The following USPL1 variants were observed in gnomAD, a reference collection of about 807,000 sequenced individuals.
The protein encoded by USPL1 is SUMO-specific isopeptidase USPL1.
A neutral mutation model predicts 51.5 loss-of-function variants in USPL1; 27 were observed. The ratio of observed to expected loss-of-function variants is 0.52; its 90% CI spans 0.39 to 0.72. The LOEUF is 0.72. Among genes scored for constraint, USPL1 ranks in the 30% least tolerant of loss-of-function variants. USPL1 has a pLI of 0.00. For synonymous variants in USPL1, 451 were observed against 459.6 expected, an observed-to-expected ratio of 0.98 and a Z score of 0.24; for missense variants, 1,226 against 1,268.0, an observed-to-expected ratio of 0.97 and a Z score of 0.50.
rs185173672 is a variant in USPL1 at position 30,619,970 on chromosome 13, A to G, written c.-68-1103A>G. 2.9e-4 allele frequency among the ~76,000 whole-genome samples: 44 copies of G among 152,334 alleles called. 1 individual carries two copies. In the East Asian group the frequency reaches 8.1e-3, roughly 28 times the overall value. On this transcript the variant is annotated intron_variant, in intron 1 of 8. Coordinates refer to ENST00000255304, the MANE Select transcript of USPL1 (RefSeq NM_005800.5). Reference sequence around the variant, plus strand: ...GCTGCTAAACATCGTCAGTGCATAGAACAGCCTTCACAAACAATTATTTGG... The same window carrying G: ...GCTGCTAAACATCGTCAGTGCATAGGACAGCCTTCACAAACAATTATTTGG...
intron 3 of USPL1, 37 bp from the exon 4 acceptor site, chr13:30,630,798 T>C (rs1414585044): frequency 3.9e-6 from 6 of 1,527,100 alleles, no homozygotes; most frequent in Non-Finnish European, 4.4e-6. Context: ...GTTATTTGAA[T>C]TTGTGTAGTT....
chr13:30,638,590 G>T (rs965985695), intron 5 of USPL1, among the ~76,000 whole-genome samples: 1 of 151,824 alleles, frequency 6.6e-6, no homozygotes, highest in Non-Finnish European at 1.5e-5. Context: ...GAGCTGCGGG[G>T]TTTTTTTGTT....
chr13:30,642,725 A>G lies in USPL1; in HGVS notation c.1080A>G (p.Glu360=), dbSNP rs561374541. ...TATATTCTTTTTCTTGGGACTTTGA[A>G]TGTTCGCAGTGTGGACACCAATATC... The part of the protein sequence containing the change: ...LFLYSFSWDF[E]CSQCGHQYQN... Residue 360 remains glutamate (E), a synonymous_variant, in exon 6 of 9, where the codon GAA becomes GAG. Coordinates refer to ENST00000255304, the MANE Select transcript of USPL1 (RefSeq NM_005800.5). The G allele has an allele frequency of 6.8e-6, 11 of 1,613,756 alleles. No homozygotes were observed. In the South Asian group the frequency reaches 1.2e-4, roughly 18 times the overall value.
chr13:30,642,497 C>T, intron 5 of USPL1, 131 bp from the exon 6 acceptor site: 1 of 1,056,380 alleles, frequency 9.5e-7, no homozygotes, highest in Non-Finnish European at 1.3e-6. Flanking sequence ...CTCTGAGTGA[C>T]TTATTGTGTC....
In USPL1 at chr13:30,631,201, C is replaced by A. The variant is rs758305276; in HGVS notation, c.595C>A (p.Pro199Thr). 3 of 1,614,140 alleles carry A rather than the reference C, an allele frequency of 1.9e-6. No homozygotes were observed. The Admixed American group carries it at 5.0e-5, about 27-fold the overall frequency. Residue 199 changes from proline (P) to threonine (T), a missense_variant, in exon 4 of 9, where the codon CCT becomes ACT. By Grantham distance (38) the Pro-to-Thr change is conservative (BLOSUM62 -1). Coordinates refer to ENST00000255304, the MANE Select transcript of USPL1 (RefSeq NM_005800.5). ...ATVDVSGTGR[P>T]SPQNEGCTSK... ...AGTTGATGTCTCTGGAACTGGCAGA[C>A]CTTCCCCTCAAAATGAAGGATGTAC...
At chr13:30,644,111 T>G (rs186472711) in intron 6 of USPL1, among the ~76,000 whole-genome samples, 1 of 151,662 alleles carries the variant, frequency 6.6e-6, no homozygotes, top group African/African-American at 2.4e-5. Flanking sequence ...GGTGAAACGC[T>G]GTCTCTACTG....
chr13:30,640,535 C>T (rs981963049), intron 5 of USPL1, among the ~76,000 whole-genome samples: 1 of 151,974 alleles, frequency 6.6e-6, no homozygotes, highest in African/African-American at 2.4e-5. Flanking sequence ...ACTAAAAATA[C>T]AAAAAATTAG....
intron 8 of USPL1, 73 bp from the exon 9 acceptor site, chr13:30,657,401 A>T (rs10507389): frequency 1.4e-6 from 2 of 1,452,050 alleles, no homozygotes; most frequent in African/African-American, 2.9e-5. Flanking sequence ...CAACAGTTGA[A>T]AAGGCCAGAA....
At chr13:30,635,036 C>G (rs955206061) in intron 4 of USPL1, among the ~76,000 whole-genome samples, 1 of 152,098 alleles carries the variant, frequency 6.6e-6, no homozygotes, top group African/African-American at 2.4e-5. Context: ...TGTTGATTGT[C>G]ACGTTTTAAT....
At chr13:30,656,881 T>C (rs1951172067) in intron 8 of USPL1, among the ~76,000 whole-genome samples, 1 of 152,130 alleles carries the variant, frequency 6.6e-6, no homozygotes, top group Non-Finnish European at 1.5e-5. Flanking sequence ...GTCTTTTTTT[T>C]TTTTTAAAGG....
Position 30,656,363 on chromosome 13 carries a change from G to A in USPL1, c.1397-1111G>A, listed in dbSNP as rs187774041. 1.7e-4 allele frequency among the ~76,000 whole-genome samples: 26 copies of A among 152,092 alleles called. 1 individual carries two copies. The highest frequency in any genetic ancestry group is 4.3e-4 in the African/African-American group (18 of 41,486). Reference sequence around the variant, plus strand: ...AAACTACTCATTAAACAATAACTCCGCATCCTTCCACCCCAAAGCCCTGGT... The same window carrying A: ...AAACTACTCATTAAACAATAACTCCACATCCTTCCACCCCAAAGCCCTGGT... On this transcript the variant is annotated intron_variant, in intron 8 of 8. Transcript: ENST00000255304.
In USPL1 at chr13:30,659,470, G is replaced by GGTT; in HGVS notation, c.*114_*115insGTT. On this transcript the variant is annotated 3_prime_UTR_variant, in exon 9 of 9. Coordinates refer to ENST00000255304, the MANE Select transcript of USPL1 (RefSeq NM_005800.5). Reference sequence around the variant, plus strand: ...GTGTAATTACTTGTGTAATAACCATGAACAAAATGCAAGGTTTAACCTTTG... The same window carrying GGTT: ...GTGTAATTACTTGTGTAATAACCATGGTTAACAAAATGCAAGGTTTAACCTTTG... The GGTT allele has an allele frequency of 1.0e-6, 1 of 960,604 alleles. No homozygotes were observed. The highest frequency in any genetic ancestry group is 1.5e-6 in the Non-Finnish European group (1 of 679,646). 59.5% of individuals were successfully genotyped at this position (960,604 alleles called of 1,614,324 possible). A position where few individuals can be genotyped will look rare whatever the true frequency, so the allele number is the denominator to read the frequency against.
At chr13:30,624,396 C>T (rs1255503510) in intron 3 of USPL1, among the ~76,000 whole-genome samples, 1 of 152,112 alleles carries the variant, frequency 6.6e-6, no homozygotes, top group Non-Finnish European at 1.5e-5. Context: ...AGGAGGATTG[C>T]TTGATCCCAG....
At chr13:30,648,478 G>T (rs943974196) in intron 7 of USPL1, among the ~76,000 whole-genome samples, 1 of 151,992 alleles carries the variant, frequency 6.6e-6, no homozygotes, top group Non-Finnish European at 1.5e-5. Context: ...TTAGCCCAAG[G>T]CCTCATCCCC....
intron 7 of USPL1, among the ~76,000 whole-genome samples, 159 bp downstream of exon 7, chr13:30,647,216 T>A (rs1951029663): frequency 6.6e-6 from 1 of 152,206 alleles, no homozygotes; most frequent in Non-Finnish European, 1.5e-5. Context: ...ATCTGGCCAG[T>A]GAGCCCACTG....
chr13:30,643,597 T>TC (rs201886838), intron 6 of USPL1, among the ~76,000 whole-genome samples: 1,884 of 86,720 alleles, frequency 0.022, 185 homozygotes, highest in African/African-American at 0.11. Flanking sequence ...AATAACTCTT[T>TC]CCACCCCCCC....
chr13:30,655,982 C>T (rs1405317116), intron 8 of USPL1, among the ~76,000 whole-genome samples: 2 of 152,104 alleles, frequency 1.3e-5, no homozygotes, highest in African/African-American at 4.8e-5. Context: ...TTGATATATA[C>T]AGTGGAAGTA....
chr13:30,642,275 A>G (rs1380869913), intron 5 of USPL1, among the ~76,000 whole-genome samples: 4 of 117,618 alleles, frequency 3.4e-5, no homozygotes, highest in Admixed American at 1.6e-4. Flanking sequence ...TTTTGTTTTA[A>G]TATACTCTAA....
chr13:30,647,117 T>G, intron 7 of USPL1, 60 bp downstream of exon 7: 1 of 1,519,978 alleles, frequency 6.6e-7, no homozygotes, highest in South Asian at 1.1e-5. Flanking sequence ...ACATTTTTCT[T>G]AATGTGTAGG....
Sources: allele counts gnomAD v4.1 joint callset (sites outside exome capture counted in the v4.1 genomes callset), GRCh38; gene constraint gnomAD v4.1.1; transcripts MANE v1.5; gene names NCBI Gene and HGNC (gene_info 2026-07-23, HGNC 2026-07-21).